VPS13C: variants seen among roughly 807,000 people sequenced by gnomAD.
VPS13C encodes intermembrane lipid transfer protein VPS13C.
In VPS13C, 358 loss-of-function variants were observed where a neutral mutation model predicts 456.8. The ratio of observed to expected loss-of-function variants is 0.78; its 90% CI spans 0.72 to 0.86. The LOEUF is 0.86. VPS13C is among the 40% of genes least tolerant of loss of function. The probability of loss-of-function intolerance (pLI) is 0.00; values close to 1 mark genes in which losing one functional copy is unlikely to be tolerated. For synonymous variants in VPS13C, 1,578 were observed against 1,486.7 expected, an observed-to-expected ratio of 1.06 and a Z score of -1.41; for missense variants, 4,818 against 4,385.4, an observed-to-expected ratio of 1.10 and a Z score of -2.79.
chr15:61,946,306 C>T lies in VPS13C; in HGVS notation c.4980+1G>A, dbSNP rs984806799. 5 of 1,575,512 alleles carry T rather than the reference C, an allele frequency of 3.2e-6. No homozygotes were observed. In the Admixed American group the frequency reaches 5.9e-5, roughly 19 times the overall value. On this transcript the variant is annotated splice_donor_variant, in intron 44 of 84. Coordinates refer to ENST00000644861, the MANE Select transcript of VPS13C (RefSeq NM_020821.3). LOFTEE classifies it high-confidence loss of function. ...AATATAAAAATCTATTTTTTAATCA[C>T]CTTTTTGTGAATGGACTGCAAATCT...
Position 62,060,288 on chromosome 15 carries a change from C to T in VPS13C, c.87G>A (p.Leu29=), listed in dbSNP as rs1308932457. The T allele has an allele frequency of 1.2e-6, 2 of 1,605,830 alleles. No individual in the cohort carries two copies. The highest frequency in any genetic ancestry group is 1.7e-6 in the Non-Finnish European group (2 of 1,176,868). Residue 29 remains leucine (L), a synonymous_variant, in exon 1 of 85, where the codon CTG becomes CTA. Transcript: ENST00000644861. ...VENLNKSQLK[L]GIWGGNVALD... is the part of the protein sequence containing the mutation. ...CCTCTCGCTTACCGCCCCAGATGCCCAGCTTCAGCTGGGACTTGTTCAGGT... is the reference window on the plus strand; with the variant it reads ...CCTCTCGCTTACCGCCCCAGATGCCTAGCTTCAGCTGGGACTTGTTCAGGT...
At chr15:61,983,057 A>G (rs1295564266) in intron 20 of VPS13C, among the ~76,000 whole-genome samples, 1 of 152,232 alleles carries the variant, frequency 6.6e-6, no homozygotes, top group Non-Finnish European at 1.5e-5. Flanking sequence ...AATGTACTTA[A>G]CACTACTGAA....
chr15:61,880,751 TTTTAA>T, intron 72 of VPS13C, 29 bp from the exon 73 acceptor site: 1 of 1,535,568 alleles, frequency 6.5e-7, no homozygotes, highest in Non-Finnish European at 8.8e-7. Context: ...AGAATTTCTA[TTTTAA>T]TTTTTTTCTC....
At chr15:61,881,086 A>T (rs1895814862) in intron 71 of VPS13C, 132 bp from the exon 72 acceptor site, 1 of 726,468 alleles carries the variant, frequency 1.4e-6, no homozygotes, top group Admixed American at 3.4e-5. Flanking sequence ...TGTTAATAAG[A>T]TCAAAGTCTT....
intron 63 of VPS13C, among the ~76,000 whole-genome samples, chr15:61,911,432 T>C (rs2043298594): frequency 6.6e-6 from 1 of 152,222 alleles, no homozygotes; most frequent in Admixed American, 6.5e-5. Context: ...AGCTCACCTA[T>C]TCAGAAATTC....
chr15:61,868,007 C>A, intron 81 of VPS13C: 2 of 1,148,906 alleles, frequency 1.7e-6, no homozygotes, highest in Admixed American at 1.9e-5. Flanking sequence ...ATAGATAAAA[C>A]GTAATCATAT....
In VPS13C at chr15:62,007,484, A is replaced by G; in HGVS notation, c.1119-5T>C. 6.4e-7 allele frequency: 1 copy of G among 1,559,656 alleles called. No homozygotes were observed. The highest frequency in any genetic ancestry group is 8.6e-7 in the Non-Finnish European group (1 of 1,156,322). On this transcript the variant is annotated splice_region_variant and splice_polypyrimidine_tract_variant and intron_variant, in intron 14 of 84. Coordinates refer to ENST00000644861, the MANE Select transcript of VPS13C (RefSeq NM_020821.3). ...GAATCAATTGCATATTTCCACCTGA[A>G]AATCAAATTTTGTTAACGTAAATGT...
chr15:62,010,384 C>A, intron 13 of VPS13C, 88 bp downstream of exon 13: 1 of 1,327,104 alleles, frequency 7.5e-7, no homozygotes, highest in Non-Finnish European at 9.8e-7. Context: ...CCCAAAAAAC[C>A]ACCAACCACT....
At chr15:61,902,227 A>G (rs1308772030) in intron 66 of VPS13C, among the ~76,000 whole-genome samples, 1 of 151,770 alleles carries the variant, frequency 6.6e-6, no homozygotes, top group Admixed American at 6.6e-5. Context: ...TAACCTGCAC[A>G]ATGTGCACAT....
intron 38 of VPS13C, among the ~76,000 whole-genome samples, chr15:61,953,915 G>A (rs2044891902): frequency 6.6e-6 from 1 of 152,136 alleles, no homozygotes; most frequent in South Asian, 2.1e-4. Context: ...TTTCCTGCAT[G>A]AGTTCAGACT....
intron 7 of VPS13C, 71 bp downstream of exon 7, chr15:62,023,709 C>A: frequency 7.1e-7 from 1 of 1,411,474 alleles, no homozygotes; most frequent in Non-Finnish European, 9.8e-7. Context: ...ACATTCATTT[C>A]ACATTCCAAA....
chr15:62,026,136 G>A (rs1480634803), intron 6 of VPS13C, among the ~76,000 whole-genome samples: 1 of 136,994 alleles, frequency 7.3e-6, no homozygotes, highest in East Asian at 2.0e-4. Flanking sequence ...ATTAGAAAAG[G>A]GGGGAGCATA....
chr15:61,867,144 G>A lies in VPS13C; in HGVS notation c.10863+1515C>T. The A allele has an allele frequency of 2.0e-6, 2 of 983,100 alleles. No individual in the cohort carries two copies. The highest frequency in any genetic ancestry group is 2.4e-6 in the Non-Finnish European group (2 of 827,832). 60.9% of individuals were successfully genotyped at this position (983,100 alleles called of 1,614,324 possible). On this transcript the variant is annotated intron_variant, in intron 81 of 84. Transcript: ENST00000644861. This position sits in a 1 kb window ranked among gnomAD's most constrained non-coding sequence, Gnocchi z 5.0. ...AATAAAGAAATCTATGTATTCAAGTGCCACACAGCAATTTGCCTAATTACA... is the reference window on the plus strand; with the variant it reads ...AATAAAGAAATCTATGTATTCAAGTACCACACAGCAATTTGCCTAATTACA...
intron 15 of VPS13C, among the ~76,000 whole-genome samples, chr15:62,004,718 G>T (rs1206295093): frequency 6.6e-6 from 1 of 150,916 alleles, no homozygotes; most frequent in Non-Finnish European, 1.5e-5. Flanking sequence ...CTGGTATGTT[G>T]TGTCTTTGTT....
At chr15:62,041,589 G>A (rs990313226) in intron 2 of VPS13C, among the ~76,000 whole-genome samples, 6 of 152,118 alleles carry the variant, frequency 3.9e-5, no homozygotes, top group East Asian at 1.9e-4. Flanking sequence ...AAGCCGAGGC[G>A]GGTGGATCGC....
chr15:61,877,446 C>A (rs1192714317), intron 74 of VPS13C, among the ~76,000 whole-genome samples: 3 of 151,674 alleles, frequency 2.0e-5, no homozygotes, highest in Non-Finnish European at 4.4e-5. Flanking sequence ...CTTGACATAA[C>A]CATTTTTAAC....
At chr15:62,045,327 A>G (rs2048365069) in intron 1 of VPS13C, among the ~76,000 whole-genome samples, 1 of 152,124 alleles carries the variant, frequency 6.6e-6, no homozygotes, top group Non-Finnish European at 1.5e-5. Flanking sequence ...ATAATTTTCT[A>G]AAATTTTAGA....
intron 32 of VPS13C, 147 bp from the exon 33 acceptor site, chr15:61,962,999 G>GT (rs1241726827): frequency 2.0e-6 from 1 of 509,332 alleles, no homozygotes. Context: ...CAATATTAGA[G>GT]TTTTTTGGTT....
intron 45 of VPS13C, 94 bp downstream of exon 45, chr15:61,945,621 C>G: frequency 1.0e-6 from 1 of 988,706 alleles, no homozygotes; most frequent in South Asian, 2.0e-5. Context: ...CATCACACAG[C>G]CTTATCAGTG....
Sources: allele counts gnomAD v4.1 joint callset (sites outside exome capture counted in the v4.1 genomes callset), GRCh38; gene constraint gnomAD v4.1.1; non-coding constraint Gnocchi (gnomAD v3.1); transcripts MANE v1.5; gene names NCBI Gene and HGNC (gene_info 2026-07-23, HGNC 2026-07-21).